SDHAF3: variants seen among roughly 807,000 people sequenced by gnomAD.
The protein encoded by SDHAF3 is succinate dehydrogenase assembly factor 3, mitochondrial.
In SDHAF3, 18 loss-of-function variants were observed where a neutral mutation model predicts 11.5. The observed-to-expected ratio is 1.56, with a 90% CI of 1.08 to 2.32. The LOEUF (loss-of-function observed/expected upper bound fraction) is 2.32. Ranked by LOEUF, SDHAF3 falls within the 30% of genes most tolerant of loss-of-function variation. The probability of loss-of-function intolerance (pLI) is 0.00; values close to 1 mark genes in which losing one functional copy is unlikely to be tolerated. For missense variants in SDHAF3, 200 were observed against 154.4 expected (o/e 1.30, Z -1.57); for synonymous variants, 72 against 59.3 (o/e 1.21, Z -0.99).
intron 1 of SDHAF3, among the ~76,000 whole-genome samples, chr7:97,143,665 C>CTG (rs3029495): frequency 0.14 from 21,207 of 147,898 alleles, 1,671 homozygotes; most frequent in Middle Eastern, 0.22. Flanking sequence ...TAGTGTTCCA[C>CTG]TGTGTGTGTG....
intron 1 of SDHAF3, among the ~76,000 whole-genome samples, chr7:97,165,971 G>A (rs554562173): frequency 3.3e-5 from 5 of 152,278 alleles, no homozygotes; most frequent in Admixed American, 2.6e-4. Context: ...AAAAAACTTT[G>A]TACAAATTGC....
At chr7:97,118,172 C>G (rs6973504) in intron 1 of SDHAF3, among the ~76,000 whole-genome samples, 7,453 of 152,244 alleles carry the variant, frequency 0.049, 553 homozygotes, top group East Asian at 0.29. Flanking sequence ...CAAAAATGAG[C>G]AAGTCGTCGT....
In SDHAF3 at chr7:97,181,451, A is replaced by G. The variant is rs1024086586; in HGVS notation, c.*236A>G. The G allele has an allele frequency of 3.7e-5, 13 of 352,376 alleles. No individual in the cohort carries two copies. Among genetic ancestry groups the G allele is most frequent in the African/African-American group, 2.8e-4 (13 of 47,194 alleles). The allele number at this position is 352,376 out of a possible 1,614,324, so 21.8% of individuals were successfully genotyped here. A position where few individuals can be genotyped will look rare whatever the true frequency, so the allele number is the denominator to read the frequency against. Reference sequence around the variant, plus strand: ...TTTTGGAACTAAACAGCAAATTTCTAGAATTTTGCTGAAAATGTTTTAAAA... The same window carrying G: ...TTTTGGAACTAAACAGCAAATTTCTGGAATTTTGCTGAAAATGTTTTAAAA... On this transcript the variant is annotated 3_prime_UTR_variant, in exon 2 of 2. Coordinates refer to ENST00000432641, the MANE Select transcript of SDHAF3 (RefSeq NM_020186.3).
intron 1 of SDHAF3, among the ~76,000 whole-genome samples, chr7:97,121,841 GTTTTTTTTTTTTGTT>G (rs1022345953): frequency 5.9e-5 from 8 of 135,796 alleles, no homozygotes; most frequent in South Asian, 2.4e-4. Context: ...AGGTTTTTTG[GTTTTTTTTTTTTGTT>G]TTTTTTTTTT....
chr7:97,165,639 G>T (rs1188131230), intron 1 of SDHAF3, among the ~76,000 whole-genome samples: 1 of 152,062 alleles, frequency 6.6e-6, no homozygotes, highest in Non-Finnish European at 1.5e-5. Context: ...ACCTCGGTCT[G>T]AATTCTGATA....
At position 97,170,683 on chromosome 7, in the gene SDHAF3, G is replaced by C. The variant is rs545007489; in HGVS notation, c.175-10329G>C. On this transcript the variant is annotated intron_variant, in intron 1 of 1. Transcript: ENST00000432641. ...GCTTTTTTTTCTTTTTATCTTTGCTGTGCTGTGTCACAACTAACACCTTTT... is the reference window on the plus strand; with the variant it reads ...GCTTTTTTTTCTTTTTATCTTTGCTCTGCTGTGTCACAACTAACACCTTTT... Among the ~76,000 whole-genome samples, 135 of 151,834 alleles carry C rather than the reference G, an allele frequency of 8.9e-4. 1 individual carries two copies. The highest frequency in any genetic ancestry group is 3.2e-3 in the African/African-American group (132 of 41,414).
intron 1 of SDHAF3, among the ~76,000 whole-genome samples, chr7:97,151,794 C>T (rs1368335966): frequency 1.3e-5 from 2 of 152,052 alleles, no homozygotes; most frequent in African/African-American, 2.4e-5. Context: ...CCACCACGCT[C>T]GGCCAACCTT....
chr7:97,140,341 G>GTT (rs1457400190), intron 1 of SDHAF3, among the ~76,000 whole-genome samples: 6 of 103,812 alleles, frequency 5.8e-5, no homozygotes, highest in Admixed American at 1.3e-4. Context: ...TCTTTTGGTA[G>GTT]TATTTTTTTT....
intron 1 of SDHAF3, among the ~76,000 whole-genome samples, chr7:97,160,565 C>A (rs1199017792): frequency 1.7e-4 from 26 of 152,314 alleles, no homozygotes; most frequent in Admixed American, 7.2e-4. Context: ...AAGAAAAATT[C>A]TTCTGCCTTG....
At chr7:97,148,928 G>A (rs1271803138) in intron 1 of SDHAF3, among the ~76,000 whole-genome samples, 2 of 144,736 alleles carry the variant, frequency 1.4e-5, no homozygotes, top group African/African-American at 5.1e-5. Flanking sequence ...GTAGATTTGT[G>A]TCTTTTTTTT....
chr7:97,130,138 G>T (rs1399908552), intron 1 of SDHAF3, among the ~76,000 whole-genome samples: 2 of 152,106 alleles, frequency 1.3e-5, no homozygotes, highest in African/African-American at 4.8e-5. Flanking sequence ...CGGATGTGGT[G>T]GTGGATGCCT....
intron 1 of SDHAF3, among the ~76,000 whole-genome samples, chr7:97,146,470 C>T (rs909583087): frequency 1.4e-4 from 21 of 152,042 alleles, no homozygotes; most frequent in Admixed American, 8.5e-4. Context: ...TTATTGTGAT[C>T]GTATAAATGT....
intron 1 of SDHAF3, among the ~76,000 whole-genome samples, chr7:97,180,509 G>A (rs184870491): frequency 6.6e-6 from 1 of 152,288 alleles, no homozygotes; most frequent in East Asian, 1.9e-4. Context: ...CTCCCTGGGT[G>A]ACAGGACCTG....
intron 1 of SDHAF3, among the ~76,000 whole-genome samples, chr7:97,167,607 A>G (rs1789530876): frequency 6.6e-6 from 1 of 152,202 alleles, no homozygotes; most frequent in Non-Finnish European, 1.5e-5. Flanking sequence ...TATTATTCAA[A>G]TCAATCTCTC....
intron 1 of SDHAF3, among the ~76,000 whole-genome samples, chr7:97,173,656 C>G (rs1280975927): frequency 1.3e-5 from 2 of 150,210 alleles, no homozygotes; most frequent in East Asian, 4.0e-4. Context: ...AGGTTGATGC[C>G]AGTCTCCTGC....
At chr7:97,120,593 T>C (rs1233694174) in intron 1 of SDHAF3, among the ~76,000 whole-genome samples, 1 of 152,090 alleles carries the variant, frequency 6.6e-6, no homozygotes, top group African/African-American at 2.4e-5. Context: ...CAGTTAGTGC[T>C]CATTACAAAC....
chr7:97,157,444 G>C (rs200107873), intron 1 of SDHAF3, among the ~76,000 whole-genome samples: 3 of 152,026 alleles, frequency 2.0e-5, no homozygotes, highest in Admixed American at 6.6e-5. Flanking sequence ...TTAGAATGGC[G>C]ATCATTAAAA....
chr7:97,158,484 C>G (rs761191048), intron 1 of SDHAF3, among the ~76,000 whole-genome samples: 7 of 152,064 alleles, frequency 4.6e-5, no homozygotes, highest in Non-Finnish European at 1.0e-4. Context: ...CCTGCCACCA[C>G]GCTAGCTAAT....
intron 1 of SDHAF3, among the ~76,000 whole-genome samples, chr7:97,127,194 G>C (rs1791589802): frequency 6.6e-6 from 1 of 151,852 alleles, no homozygotes; most frequent in Non-Finnish European, 1.5e-5. Flanking sequence ...GAAATCACCT[G>C]CCTTATGTAT....
Sources: allele counts gnomAD v4.1 joint callset (sites outside exome capture counted in the v4.1 genomes callset), GRCh38; gene constraint gnomAD v4.1.1; transcripts MANE v1.5; gene names NCBI Gene and HGNC (gene_info 2026-07-23, HGNC 2026-07-21).